The following AP3S1 variants were observed in gnomAD, a reference collection of about 807,000 sequenced individuals.
AP3S1 encodes the protein AP-3 complex subunit sigma-1.
Under a neutral mutation model 21.3 loss-of-function variants are expected in AP3S1, and 12 were observed. The observed-to-expected ratio is 0.56, with a 90% CI of 0.36 to 0.91. The LOEUF is 0.91. Among genes scored for constraint, AP3S1 ranks in the 40% least tolerant of loss-of-function variants. AP3S1 has a pLI of 0.01. For missense variants in AP3S1, 116 were observed against 225.0 expected, an observed-to-expected ratio of 0.52 and a Z score of 3.10; for synonymous variants, 48 against 78.4, an observed-to-expected ratio of 0.61 and a Z score of 2.05.
chr5:115,895,028 T>C, intron 3 of AP3S1, 59 bp from the exon 4 acceptor site: 1 of 1,168,108 alleles, frequency 8.6e-7, no homozygotes, highest in South Asian at 1.4e-5. Context: ...GCCTTCCTTA[T>C]AGATAATAGT....
At chr5:115,911,718 G>A (rs533838353) in intron 5 of AP3S1, among the ~76,000 whole-genome samples, 2 of 151,820 alleles carry the variant, frequency 1.3e-5, no homozygotes, top group South Asian at 4.2e-4. Context: ...TCAAATTAAA[G>A]ACCCTTTCAA....
At chr5:115,857,856 T>C (rs1762907736) in intron 1 of AP3S1, among the ~76,000 whole-genome samples, 2 of 152,262 alleles carry the variant, frequency 1.3e-5, no homozygotes, top group African/African-American at 4.8e-5. Context: ...GTAAACACTA[T>C]CTTCAGCTGA....
At chr5:115,857,648 G>T (rs1407335269) in intron 1 of AP3S1, among the ~76,000 whole-genome samples, 2 of 152,156 alleles carry the variant, frequency 1.3e-5, no homozygotes, top group African/African-American at 4.8e-5. Context: ...ATTTTTAGCT[G>T]CTGATTTCAG....
At chr5:115,862,438 A>C (rs1477015313) in intron 1 of AP3S1, among the ~76,000 whole-genome samples, 1 of 152,222 alleles carries the variant, frequency 6.6e-6, no homozygotes, top group Non-Finnish European at 1.5e-5. Flanking sequence ...AAAAAGTTAA[A>C]ATGTATCAAA....
chr5:115,911,106 G>T (rs1294126901), intron 5 of AP3S1, among the ~76,000 whole-genome samples: 1 of 152,004 alleles, frequency 6.6e-6, no homozygotes, highest in South Asian at 2.1e-4. Flanking sequence ...ATGTATTCTT[G>T]TTAGCAGCCA....
intron 5 of AP3S1, chr5:115,909,101 G>T (rs759186078): frequency 2.4e-6 from 1 of 409,900 alleles, no homozygotes; most frequent in Admixed American, 6.5e-5. Flanking sequence ...AAAAAAAAAA[G>T]ATATTTTAAG....
intron 3 of AP3S1, among the ~76,000 whole-genome samples, chr5:115,873,930 C>A (rs893314102): frequency 1.3e-5 from 2 of 151,948 alleles, no homozygotes; most frequent in African/African-American, 4.8e-5. Context: ...AAAGTGATAC[C>A]ATTCATATAA....
intron 5 of AP3S1, chr5:115,906,868 C>A: frequency 6.6e-7 from 1 of 1,511,322 alleles, no homozygotes; most frequent in South Asian, 1.3e-5. Flanking sequence ...CAAGGTATTG[C>A]TGACTTTGAG....
intron 1 of AP3S1, chr5:115,853,098 CTG>C (rs1364127558): frequency 9.3e-6 from 4 of 432,022 alleles, no homozygotes; most frequent in Non-Finnish European, 1.8e-5. Flanking sequence ...CCAACAATGT[CTG>C]AGGGCTCCAG....
intron 3 of AP3S1, among the ~76,000 whole-genome samples, chr5:115,879,284 A>C (rs1045840788): frequency 2.6e-5 from 4 of 152,220 alleles, no homozygotes; most frequent in African/African-American, 9.6e-5. Flanking sequence ...CCAGTTTTCA[A>C]AGGGAATGCT....
intron 3 of AP3S1, among the ~76,000 whole-genome samples, chr5:115,893,441 T>C (rs938751197): frequency 2.0e-5 from 3 of 152,212 alleles, no homozygotes; most frequent in Non-Finnish European, 4.4e-5. Context: ...ATATGAAATA[T>C]GTGTTAATCA....
intron 3 of AP3S1, among the ~76,000 whole-genome samples, chr5:115,883,343 G>A (rs910258697): frequency 6.6e-5 from 10 of 152,180 alleles, no homozygotes; most frequent in African/African-American, 2.2e-4. Context: ...ATAGGCACCC[G>A]AGGGAATCTC....
chr5:115,855,057 A>ATC (rs1184521017), intron 1 of AP3S1, among the ~76,000 whole-genome samples: 3 of 150,276 alleles, frequency 2.0e-5, no homozygotes, highest in Admixed American at 6.6e-5. Context: ...CTATCTATCT[A>ATC]TCTATCTCTG....
intron 1 of AP3S1, among the ~76,000 whole-genome samples, chr5:115,843,628 T>C (rs1392286106): frequency 1.3e-5 from 2 of 152,240 alleles, no homozygotes; most frequent in African/African-American, 4.8e-5. Context: ...TTTGCCAGTG[T>C]CATCCATTTG....
intron 4 of AP3S1, among the ~76,000 whole-genome samples, chr5:115,897,814 G>A (rs544281794): frequency 3.3e-5 from 5 of 151,722 alleles, no homozygotes; most frequent in South Asian, 2.1e-4. Flanking sequence ...TGCCTGCCTC[G>A]GCCTCCCAAA....
intron 3 of AP3S1, among the ~76,000 whole-genome samples, chr5:115,877,828 G>A (rs1214736397): frequency 6.6e-6 from 1 of 152,160 alleles, no homozygotes; most frequent in Non-Finnish European, 1.5e-5. Context: ...CAGTGTAAAA[G>A]CGTTCCTGTT....
intron 5 of AP3S1, among the ~76,000 whole-genome samples, chr5:115,910,265 TAAA>T (rs397884038): frequency 8.4e-4 from 105 of 125,106 alleles, no homozygotes; most frequent in Admixed American, 1.8e-3. Context: ...CCCTGTCTCT[TAAA>T]AAAAAAAAAA....
chr5:115,863,985 C>T (rs371307620), intron 1 of AP3S1, among the ~76,000 whole-genome samples: 4 of 152,034 alleles, frequency 2.6e-5, no homozygotes, highest in Middle Eastern at 3.4e-3. Flanking sequence ...TTAATGCAGA[C>T]GAAAGTGCCT....
chr5:115,903,097 C>T (rs1751356215), intron 5 of AP3S1, 105 bp downstream of exon 5: 18 of 802,482 alleles, frequency 2.2e-5, no homozygotes, highest in Middle Eastern at 2.3e-4. Context: ...CCTTTAGGTT[C>T]AGCCGTTATG....
Sources: gnomAD v4.1 joint callset for allele counts (sites outside exome capture counted in the v4.1 genomes callset) on GRCh38, gnomAD v4.1.1 for gene constraint, MANE v1.5 for transcripts, NCBI Gene and HGNC (gene_info 2026-07-23, HGNC 2026-07-21) for gene names.